LEF1: variants seen among roughly 807,000 people sequenced by gnomAD.
LEF1 encodes lymphoid enhancer-binding factor 1.
LEF1 carries 14 observed loss-of-function variants against 51.2 expected under a neutral mutation model. The ratio of observed to expected loss-of-function variants is 0.27; its 90% CI spans 0.18 to 0.43. The LOEUF is 0.43. LEF1 is among the 20% of genes least tolerant of loss of function. The probability of loss-of-function intolerance (pLI) is 1.00; values close to 1 mark genes in which losing one functional copy is unlikely to be tolerated. For synonymous variants in LEF1, 185 were observed against 183.2 expected (o/e 1.01, Z -0.08); for missense variants, 386 against 512.0 (o/e 0.75, Z 2.37).
chr4:108,121,811 A>G (rs898187203), intron 3 of LEF1, among the ~76,000 whole-genome samples: 5 of 152,184 alleles, frequency 3.3e-5, no homozygotes, highest in African/African-American at 1.2e-4. Context: ...TGGTATAACT[A>G]CTTAATGCCA....
chr4:108,076,406 T>C (rs1482089965), intron 8 of LEF1, among the ~76,000 whole-genome samples: 2 of 152,188 alleles, frequency 1.3e-5, no homozygotes, highest in African/African-American at 4.8e-5. Context: ...TCTCTTTCTG[T>C]TGCCCAGGCT....
At chr4:108,116,914 CAAGTA>C (rs1741878273) in intron 3 of LEF1, among the ~76,000 whole-genome samples, 1 of 152,186 alleles carries the variant, frequency 6.6e-6, no homozygotes, top group South Asian at 2.1e-4. Context: ...TAAGTGCCCA[CAAGTA>C]AAGAGACTGG....
chr4:108,167,350 C>CCACA lies in LEF1; in HGVS notation c.213+204_213+205insTGTG, dbSNP rs1745475212. 1.8e-5 allele frequency among the ~76,000 whole-genome samples: 2 copies of CCACA among 112,116 alleles called. No homozygotes were observed. The allele number at this position is 112,116 out of a possible 152,430, so 73.6% of individuals were successfully genotyped here. On this transcript the variant is annotated intron_variant, in intron 1 of 11. Transcript: ENST00000265165. This position sits in a 1 kb window ranked among gnomAD's most constrained non-coding sequence, Gnocchi z 5.7. ...TTACCCTGCCCCTCTACCTCCCATC[C>CCACA]TACACACACACACACACACACACAC... is the stretch of plus-strand genomic sequence containing the variant.
At chr4:108,111,459 AAAG>A (rs1216946809) in intron 3 of LEF1, among the ~76,000 whole-genome samples, 2 of 152,156 alleles carry the variant, frequency 1.3e-5, no homozygotes, top group African/African-American at 2.4e-5. Context: ...TGAAGGGAGG[AAAG>A]GAGGGGAAAA....
At chr4:108,153,557 A>C (rs1744498790) in intron 3 of LEF1, among the ~76,000 whole-genome samples, 1 of 152,244 alleles carries the variant, frequency 6.6e-6, no homozygotes, top group African/African-American at 2.4e-5. Flanking sequence ...AATGTAAACA[A>C]GTACATATTT....
intron 3 of LEF1, among the ~76,000 whole-genome samples, chr4:108,122,518 C>T (rs528708533): frequency 6.6e-6 from 1 of 152,286 alleles, no homozygotes; most frequent in South Asian, 2.1e-4. Flanking sequence ...CACTTTGTCA[C>T]CCAGGCTGGA....
At chr4:108,101,135 A>C (rs961646817) in intron 3 of LEF1, among the ~76,000 whole-genome samples, 1 of 152,050 alleles carries the variant, frequency 6.6e-6, no homozygotes, top group African/African-American at 2.4e-5. Context: ...GAAGATTCAC[A>C]GGTATTTTCT....
chr4:108,150,954 T>C (rs1003120919), intron 3 of LEF1, among the ~76,000 whole-genome samples: 1 of 152,188 alleles, frequency 6.6e-6, no homozygotes, highest in Non-Finnish European at 1.5e-5. Flanking sequence ...TCCAGGAAGC[T>C]TCATAGGTAA....
At chr4:108,088,034 G>A (rs547129365) in intron 4 of LEF1, among the ~76,000 whole-genome samples, 108 of 152,308 alleles carry the variant, frequency 7.1e-4, no homozygotes, top group African/African-American at 2.5e-3. Flanking sequence ...TGTCTGCATC[G>A]GTGATTCTCA....
Position 108,078,415 on chromosome 4 carries a change from G to A in LEF1, c.846-33C>T, listed in dbSNP as rs748101059. 3.1e-6 allele frequency: 5 copies of A among 1,613,942 alleles called. No individual in the cohort carries two copies. In the East Asian group the frequency reaches 1.1e-4, roughly 36 times the overall value. The stretch of plus-strand genomic sequence containing the variant: ...GTGGTGGTGGTGGTGGTTAGGGGAA[G>A]GGGTTGAAGGAATGAGGAAGGGATG... On this transcript the variant is annotated intron_variant, in intron 7 of 11. Coordinates refer to ENST00000265165, the MANE Select transcript of LEF1 (RefSeq NM_016269.5).
At chr4:108,099,078 T>C (rs184572429) in intron 3 of LEF1, among the ~76,000 whole-genome samples, 9 of 152,292 alleles carry the variant, frequency 5.9e-5, no homozygotes, top group Admixed American at 5.2e-4. Flanking sequence ...AAATACTGTG[T>C]GTGAAAATAA....
At chr4:108,146,743 A>T (rs1483775442) in intron 3 of LEF1, among the ~76,000 whole-genome samples, 1 of 152,102 alleles carries the variant, frequency 6.6e-6, no homozygotes, top group Admixed American at 6.5e-5. Context: ...TTGTTTTTTG[A>T]TCTTCATGTT....
chr4:108,089,386 G>T (rs1244463593), intron 3 of LEF1, 129 bp from the exon 4 acceptor site: 5 of 908,416 alleles, frequency 5.5e-6, no homozygotes, highest in Non-Finnish European at 8.1e-6. Flanking sequence ...TTCAGACCTG[G>T]ACAGGTGGAA....
chr4:108,073,519 A>G (rs1326705042), intron 8 of LEF1, among the ~76,000 whole-genome samples: 1 of 152,236 alleles, frequency 6.6e-6, no homozygotes, highest in Non-Finnish European at 1.5e-5. Context: ...GAAGTCTTCC[A>G]TTTTAAATTT....
At chr4:108,111,389 A>G (rs1186794384) in intron 3 of LEF1, among the ~76,000 whole-genome samples, 1 of 152,228 alleles carries the variant, frequency 6.6e-6, no homozygotes, top group East Asian at 1.9e-4. Flanking sequence ...AATGAACTGC[A>G]TCATTGACTA....
At chr4:108,158,839 A>T (rs1231198779) in intron 3 of LEF1, among the ~76,000 whole-genome samples, 2 of 152,154 alleles carry the variant, frequency 1.3e-5, no homozygotes, top group Non-Finnish European at 2.9e-5. Flanking sequence ...GTTAAATCAC[A>T]TAAGGGTCTC....
chr4:108,160,377 A>G (rs1452333435), intron 3 of LEF1, among the ~76,000 whole-genome samples: 2 of 152,242 alleles, frequency 1.3e-5, no homozygotes, highest in East Asian at 3.8e-4. Flanking sequence ...TGGCTCTAAA[A>G]TATTTAACAG....
At chr4:108,057,218 C>T (rs1737363603) in intron 11 of LEF1, among the ~76,000 whole-genome samples, 1 of 151,962 alleles carries the variant, frequency 6.6e-6, no homozygotes. Flanking sequence ...TTTTCACTTT[C>T]TAGTTGTTGA....
intron 3 of LEF1, among the ~76,000 whole-genome samples, chr4:108,148,655 A>C (rs1446362382): frequency 2.6e-5 from 4 of 152,218 alleles, no homozygotes; most frequent in African/African-American, 7.2e-5. Flanking sequence ...CAGCACACTG[A>C]CTGTCAAAAT....
Sources: allele counts gnomAD v4.1 joint callset (sites outside exome capture counted in the v4.1 genomes callset), GRCh38; gene constraint gnomAD v4.1.1; non-coding constraint Gnocchi (gnomAD v3.1); transcripts MANE v1.5; gene names NCBI Gene and HGNC (gene_info 2026-07-23, HGNC 2026-07-21).